Variants in TRPV6 observed in about 807,000 individuals in gnomAD.
The protein encoded by TRPV6 is Alu-binding protein with zinc finger domain.
In TRPV6, 39 loss-of-function variants were observed where a neutral mutation model predicts 79.0. The observed-to-expected ratio is 0.49, with a 90% CI of 0.38 to 0.64. TRPV6 has a LOEUF of 0.64. TRPV6 is among the 30% of genes least tolerant of loss of function. The probability of loss-of-function intolerance (pLI) is 0.00; values close to 1 mark genes in which losing one functional copy is unlikely to be tolerated. For missense variants in TRPV6, 813 were observed against 1,011.1 expected (o/e 0.80, Z 2.66); for synonymous variants, 373 against 391.9 (o/e 0.95, Z 0.57).
intron 1 of TRPV6, chr7:142,881,304 C>A (rs1184500955): frequency 6.6e-6 from 1 of 152,092 alleles, no homozygotes; most frequent in African/African-American, 2.4e-5. Flanking sequence ...GGCTAAGCAC[C>A]CTGCACATGA....
In TRPV6 at chr7:142,875,570, G is replaced by T; in HGVS notation, c.1140C>A (p.Ile380=). ...AGATGCAGCACATGGTGAAGCAGAT[G>T]ATGTACAGCAGATATATGGCACCCA... The change falls in exon 8 of 15, where the codon ATC becomes ATA. Residue 380 remains isoleucine, a synonymous_variant. Transcript: ENST00000359396. 6.2e-7 allele frequency: 1 copy of T among 1,613,542 alleles called. No individual in the cohort carries two copies. Among genetic ancestry groups the T allele is most frequent in the Non-Finnish European group, 8.5e-7 (1 of 1,179,978 alleles).
intron 14 of TRPV6, 77 bp downstream of exon 14, chr7:142,872,295 G>C: frequency 6.8e-7 from 1 of 1,477,042 alleles, no homozygotes; most frequent in Admixed American, 1.8e-5. Flanking sequence ...GAACCCAGGA[G>C]CCGGAAGCTG....
chr7:142,871,881 C>A lies in TRPV6; in HGVS notation c.2124G>T (p.Glu708Asp), dbSNP rs752931299. Residue 708 changes from glutamate to aspartate, a missense_variant, in exon 15 of 15, where the codon GAG becomes GAT. Glu to Asp is a conservative substitution (Grantham distance 45). This residue lies in a region of TRPV6 where 164 missense variants were observed against 186.1 expected (regional missense o/e 0.88). Transcript: ENST00000359396. Reference sequence around the variant, plus strand: ...GGTGGGGGCTGAAGGGACAGCCCAGCTCTAGTTTTTCCACTGAGTCTTTGT... The same window carrying A: ...GGTGGGGGCTGAAGGGACAGCCCAGATCTAGTTTTTCCACTGAGTCTTTGT... 1 of 1,614,194 alleles carries A rather than the reference C, an allele frequency of 6.2e-7. No homozygotes were observed. The highest frequency in any genetic ancestry group is 1.1e-5 in the South Asian group (1 of 91,088).
Position 142,873,817 on chromosome 7 carries a change from T to TCGCAGAC in TRPV6, c.1640-102_1640-101insGTCTGCG. 6.6e-7 allele frequency: 1 copy of TCGCAGAC among 1,507,954 alleles called. No individual in the cohort carries two copies. 93.4% of individuals were successfully genotyped at this position (1,507,954 alleles called of 1,614,324 possible). On this transcript the variant is annotated intron_variant, in intron 12 of 14. Transcript: ENST00000359396. The surrounding 1 kb of genome is among the most constrained non-coding windows in gnomAD (Gnocchi z 4.8). The stretch of plus-strand genomic sequence containing the variant: ...GTCCATCCTGGTCCCTTCATCTCAA[T>TCGCAGAC]ATCACCAGCTCTGCAGTGCTCCAAA...
rs1794934275 is a variant in TRPV6 at position 142,871,711 on chromosome 7, A to G, written c.2294T>C (p.Ile765Thr). 1 of 1,594,026 alleles carries G rather than the reference A, an allele frequency of 6.3e-7. No homozygotes were observed. The highest frequency in any genetic ancestry group is 8.6e-7 in the Non-Finnish European group (1 of 1,167,674). ...AAGCGAAGTGAGAACACGCAGTCAG[A>G]TCTGATATTCCCAGCTCTCCCCGTC... is the stretch of plus-strand genomic sequence containing the variant. Residue 765 changes from isoleucine (I) to threonine (T), a missense_variant, in exon 15 of 15, where the codon ATC becomes ACC. This residue lies in a region of TRPV6 where 164 missense variants were observed against 186.1 expected (regional missense o/e 0.88). Transcript: ENST00000359396.
At position 142,871,877 on chromosome 7, in the gene TRPV6, C is replaced by A; in HGVS notation, c.2128G>T (p.Gly710Cys). 2 of 1,614,148 alleles carry A rather than the reference C, an allele frequency of 1.2e-6. No homozygotes were observed. Among genetic ancestry groups the A allele is most frequent in the Non-Finnish European group, 1.7e-6 (2 of 1,180,018 alleles). The change falls in exon 15 of 15, where the codon GGC becomes TGC. Residue 710 changes from glycine to cysteine, a missense_variant. This residue lies in a region of TRPV6 where 164 missense variants were observed against 186.1 expected (regional missense o/e 0.88). Transcript: ENST00000359396. ...GACAGGTGGGGGCTGAAGGGACAGC[C>A]CAGCTCTAGTTTTTCCACTGAGTCT...
intron 4 of TRPV6, 67 bp downstream of exon 4, chr7:142,877,075 G>A: frequency 1.3e-6 from 2 of 1,541,154 alleles, no homozygotes; most frequent in East Asian, 2.4e-5. Context: ...ATCCTCCTCT[G>A]CCTGGCCCTG....
intron 5 of TRPV6, 70 bp from the exon 6 acceptor site, chr7:142,876,653 G>A: frequency 6.2e-7 from 1 of 1,612,262 alleles, no homozygotes; most frequent in South Asian, 1.1e-5. Flanking sequence ...CCACCCTGAG[G>A]TCTTCCTGAA....
chr7:142,874,375 G>T, intron 11 of TRPV6, 116 bp downstream of exon 11: 2 of 1,353,302 alleles, frequency 1.5e-6, no homozygotes, highest in Non-Finnish European at 2.1e-6. Context: ...AAAACATGCA[G>T]TGAGGCCATG....
intron 6 of TRPV6, 69 bp downstream of exon 6, chr7:142,876,339 C>T: frequency 6.5e-7 from 1 of 1,543,004 alleles, no homozygotes; most frequent in Admixed American, 2.0e-5. Context: ...ACCTCTGTTT[C>T]TCCCAGGGCC....
chr7:142,875,488 A>G lies in TRPV6; in HGVS notation c.1222T>C (p.Leu408=). ...GTCACCTGAAGTAGCTTCTGCTGTA[A>G]GAGGGTGTTGTCCCGGGGGCTCGTG... Residue 408 remains leucine (L), a synonymous_variant, in exon 8 of 15, where the codon TTA becomes CTA. Transcript: ENST00000359396. 1 of 1,590,790 alleles carries G rather than the reference A, an allele frequency of 6.3e-7. No individual in the cohort carries two copies. The highest frequency in any genetic ancestry group is 8.5e-7 in the Non-Finnish European group (1 of 1,170,070).
chr7:142,875,365 T>A, intron 8 of TRPV6, 103 bp downstream of exon 8: 1 of 1,352,228 alleles, frequency 7.4e-7, no homozygotes, highest in Non-Finnish European at 1.0e-6. Context: ...ATATTTGAGA[T>A]TAGAGCAAGG....
intron 1 of TRPV6, chr7:142,883,305 T>C (rs1479616941): frequency 6.6e-6 from 1 of 152,080 alleles, no homozygotes; most frequent in Non-Finnish European, 1.5e-5. Context: ...CCAAGAAACG[T>C]CCACTGTAAA....
chr7:142,885,368 A>G (rs1795283417), intron 1 of TRPV6, 21 bp downstream of exon 1: 1 of 1,601,588 alleles, frequency 6.2e-7, no homozygotes. Context: ...TGGGGAAGGG[A>G]GCAGACCAAG....
At chr7:142,877,601 A>G (rs1189368583) in intron 3 of TRPV6, 50 bp downstream of exon 3, 2 of 1,589,206 alleles carry the variant, frequency 1.3e-6, no homozygotes, top group East Asian at 2.2e-5. Context: ...CTGACTTGAA[A>G]TACCCAACCA....
chr7:142,877,437 C>T, intron 3 of TRPV6, 158 bp from the exon 4 acceptor site: 1 of 1,467,744 alleles, frequency 6.8e-7, no homozygotes, highest in Non-Finnish European at 9.1e-7. Context: ...AGCTGCTGCC[C>T]ATCTCTTCCT....
At chr7:142,882,387 G>C (rs1795209995) in intron 1 of TRPV6, 1 of 152,176 alleles carries the variant, frequency 6.6e-6, no homozygotes, top group African/African-American at 2.4e-5. Context: ...ATTGCCAGAA[G>C]ATCACACGGA....
chr7:142,883,317 A>C (rs926717463), intron 1 of TRPV6: 2 of 152,184 alleles, frequency 1.3e-5, no homozygotes, highest in Non-Finnish European at 2.9e-5. Context: ...CACTGTAAAA[A>C]GAGGAGTTTG....
At chr7:142,878,092 T>C in intron 1 of TRPV6, 66 bp from the exon 2 acceptor site, 2 of 1,349,618 alleles carry the variant, frequency 1.5e-6, no homozygotes, top group East Asian at 4.6e-5. Context: ...GGAGAGGCCC[T>C]GGCTTGACTC....
Sources: allele counts gnomAD v4.1 joint callset, GRCh38; gene constraint gnomAD v4.1.1; regional missense constraint gnomAD v4.1.1; non-coding constraint Gnocchi (gnomAD v3.1); transcripts MANE v1.5; gene names NCBI Gene and HGNC (gene_info 2026-07-23, HGNC 2026-07-21).